ZNF513: variants seen among roughly 807,000 people sequenced by gnomAD.
The protein encoded by ZNF513 is zinc finger protein 513.
ZNF513 carries 16 observed loss-of-function variants against 39.7 expected under a neutral mutation model. The ratio of observed to expected loss-of-function variants is 0.40; its 90% confidence interval spans 0.27 to 0.61. ZNF513 has a LOEUF of 0.61. Among genes scored for constraint, ZNF513 ranks in the 20% least tolerant of loss-of-function variants. ZNF513 has a pLI of 0.39. For synonymous variants in ZNF513, 348 were observed against 296.5 expected (o/e 1.17, Z -1.79); for missense variants, 699 against 743.6 (o/e 0.94, Z 0.70).
chr2:27,380,217 G>C lies in ZNF513; in HGVS notation c.87C>G (p.Pro29=), dbSNP rs774775281. ...AATCACTCTCCAATACCAGGGCCCC[G>C]GGTCCTTCGTCGAGGGAGTCTTCAG... ...VDTEDSLDEG[P]GALVLESDLL... The change falls in exon 2 of 4, where the codon CCC becomes CCG. Residue 29 remains proline (P), a synonymous_variant. Transcript: ENST00000323703. 6.2e-7 allele frequency: 1 copy of C among 1,613,942 alleles called. No homozygotes were observed. The highest frequency in any genetic ancestry group is 1.1e-5 in the South Asian group (1 of 91,062).
intron 2 of ZNF513, among the ~76,000 whole-genome samples, chr2:27,379,648 G>A (rs1683531956): frequency 6.6e-6 from 1 of 152,192 alleles, no homozygotes; most frequent in Non-Finnish European, 1.5e-5. Context: ...AGATCACAGG[G>A]AAGAGGGACA....
intron 1 of ZNF513, 53 bp from the exon 2 acceptor site, chr2:27,380,301 A>G (rs1177359410): frequency 2.5e-6 from 4 of 1,612,808 alleles, no homozygotes; most frequent in Non-Finnish European, 3.4e-6. Context: ...GCCCTCGTGG[A>G]CCACACTTCC....
In ZNF513 at chr2:27,379,024, G is replaced by A. The variant is rs1055973876; in HGVS notation, c.242C>T (p.Pro81Leu). ...AGACTCATCGTCGCTCAGCCCATAGGGAAGCCCAGGCCTGGCCCCCAGAGA... is the reference window on the plus strand; with the variant it reads ...AGACTCATCGTCGCTCAGCCCATAGAGAAGCCCAGGCCTGGCCCCCAGAGA... ...GDSLGARPGL[P>L]YGLSDDESGG... is the part of the protein sequence containing the mutation. The change falls in exon 3 of 4, where the codon CCC becomes CTC. Residue 81 changes from proline to leucine, a missense_variant. Pro to Leu is a moderately conservative substitution (Grantham distance 98). This residue lies in a region of ZNF513 where 530 missense variants were observed against 499.3 expected (regional missense o/e 1.06). Coordinates refer to ENST00000323703, the MANE Select transcript of ZNF513 (RefSeq NM_144631.6). 1 of 1,613,032 alleles carries A rather than the reference G, an allele frequency of 6.2e-7. No individual in the cohort carries two copies. Among genetic ancestry groups the A allele is most frequent in the Non-Finnish European group, 8.5e-7 (1 of 1,179,992 alleles).
chr2:27,380,603 T>C lies in ZNF513; in HGVS notation c.-77A>G, dbSNP rs1017232448. 15 of 1,534,998 alleles carry C rather than the reference T, an allele frequency of 9.8e-6. No homozygotes were observed. The African/African-American group carries it at 1.8e-4, about 18-fold the overall frequency. On this transcript the variant is annotated 5_prime_UTR_variant, in exon 1 of 4. Transcript: ENST00000323703. ...CCCCTCCTATCTCGGCCCGCCTGTCTGCCCTTCCTCTCAGGGCCCGCGGGC... is the reference window on the plus strand; with the variant it reads ...CCCCTCCTATCTCGGCCCGCCTGTCCGCCCTTCCTCTCAGGGCCCGCGGGC...
In ZNF513 at chr2:27,378,366, G is replaced by C. The variant is rs778765409; in HGVS notation, c.805C>G (p.Leu269Val). Residue 269 changes from leucine to valine, a missense_variant, in exon 4 of 4, where the codon CTG (leucine) becomes GTG (valine). Physicochemically the swap from Leu to Val is conservative, Grantham distance 32 (BLOSUM62 1). Around this residue, in one of 3 missense-constraint regions of ZNF513, gnomAD observed 530 missense variants for 499.3 expected, o/e 1.06. Coordinates refer to ENST00000323703, the MANE Select transcript of ZNF513 (RefSeq NM_144631.6). This position sits in a 1 kb window ranked among gnomAD's most constrained non-coding sequence, Gnocchi z 8.0. The stretch of plus-strand genomic sequence containing the variant: ...TGGAGGCTCAAATCTGGAAGGAGCA[G>C]AGCATCTGTGGGGACAAAGACCTGG... ...GAVPRRPEDA[L>V]LLPDLSLHVP... 3.1e-6 allele frequency: 5 copies of C among 1,604,062 alleles called. No individual in the cohort carries two copies. Among genetic ancestry groups the C allele is most frequent in the Non-Finnish European group, 4.2e-6 (5 of 1,179,980 alleles).
In ZNF513 at chr2:27,380,718, C is replaced by T. The variant is rs903604071; in HGVS notation, c.-192G>A. ...CCGCTCCCGCCGCCGCCGCCGCTTC[C>T]ATTCATGGAGCCCCCTACCCCCCTA... On this transcript the variant is annotated 5_prime_UTR_variant, in exon 1 of 4. The change abolishes an upstream ATG in the 5' untranslated region. Coordinates refer to ENST00000323703, the MANE Select transcript of ZNF513 (RefSeq NM_144631.6). The T allele has an allele frequency of 4.0e-6, 4 of 1,009,172 alleles. No homozygotes were observed. Among genetic ancestry groups the T allele is most frequent in the Non-Finnish European group, 5.1e-6 (4 of 785,058 alleles). 62.5% of individuals were successfully genotyped at this position (1,009,172 alleles called of 1,614,324 possible). A position where few individuals can be genotyped will look rare whatever the true frequency, so the allele number is the denominator to read the frequency against.
In ZNF513 at chr2:27,377,621, G is replaced by C; in HGVS notation, c.1550C>G (p.Pro517Arg). 6.2e-7 allele frequency: 1 copy of C among 1,614,142 alleles called. No homozygotes were observed. Among genetic ancestry groups the C allele is most frequent in the Non-Finnish European group, 8.5e-7 (1 of 1,180,042 alleles). Residue 517 changes from proline to arginine, a missense_variant, in exon 4 of 4, where the codon CCC becomes CGC. Coordinates refer to ENST00000323703, the MANE Select transcript of ZNF513 (RefSeq NM_144631.6). The surrounding 1 kb of genome is among the most constrained non-coding windows in gnomAD (Gnocchi z 4.4). ...TGGGCCCCGAGAGCTCAAAACAGAG[G>C]GTGGGCTATGAGGTGGGGCCCAGCC... Reference protein sequence around the residue: ...SEGWAPPHSPPSVLSSRGPPA... With the variant: ...SEGWAPPHSPRSVLSSRGPPA...
chr2:27,378,430 C>G lies in ZNF513; in HGVS notation c.799+37G>C. The G allele has an allele frequency of 6.2e-7, 1 of 1,613,428 alleles. No individual in the cohort carries two copies. The highest frequency in any genetic ancestry group is 8.5e-7 in the Non-Finnish European group (1 of 1,179,986). ...TCCAAGCATTCCTAGGGTCAGCCAC[C>G]CATGTCCCAAGATCTTTGGTCCCTG... On this transcript the variant is annotated intron_variant, in intron 3 of 3. Coordinates refer to ENST00000323703, the MANE Select transcript of ZNF513 (RefSeq NM_144631.6). This position sits in a 1 kb window ranked among gnomAD's most constrained non-coding sequence, Gnocchi z 8.0.
Position 27,378,499 on chromosome 2 carries a change from T to C in ZNF513, c.767A>G (p.Glu256Gly), listed in dbSNP as rs1277689809. ...PRPARPPSPT[E>G]QEGAVPRRPE... ...TCGCCGGGGCACCGCCCCCTCCTGCTCTGTGGGACTGGGAGGCCGGGCTGG... is the reference window on the plus strand; with the variant it reads ...TCGCCGGGGCACCGCCCCCTCCTGCCCTGTGGGACTGGGAGGCCGGGCTGG... The change falls in exon 3 of 4, where the codon GAG becomes GGG. Residue 256 changes from glutamate to glycine, a missense_variant. This residue lies in a region of ZNF513 where 530 missense variants were observed against 499.3 expected (regional missense o/e 1.06). Coordinates refer to ENST00000323703, the MANE Select transcript of ZNF513 (RefSeq NM_144631.6). This position sits in a 1 kb window ranked among gnomAD's most constrained non-coding sequence, Gnocchi z 8.0. 1 of 1,614,126 alleles carries C rather than the reference T, an allele frequency of 6.2e-7. No homozygotes were observed. Among genetic ancestry groups the C allele is most frequent in the African/African-American group, 1.3e-5 (1 of 75,056 alleles).
Position 27,378,615 on chromosome 2 carries a change from G to C in ZNF513, c.651C>G (p.Ser217Arg). 1.2e-6 allele frequency: 2 copies of C among 1,613,830 alleles called. No homozygotes were observed. Among genetic ancestry groups the C allele is most frequent in the Non-Finnish European group, 1.7e-6 (2 of 1,179,972 alleles). Residue 217 changes from serine to arginine, a missense_variant, in exon 3 of 4, where the codon AGC (serine) becomes AGG (arginine). Coordinates refer to ENST00000323703, the MANE Select transcript of ZNF513 (RefSeq NM_144631.6). The surrounding 1 kb of genome is among the most constrained non-coding windows in gnomAD (Gnocchi z 8.0). ...GCTGATGCCGCCTCAGGTTGCCCAG[G>C]CTGCTGCAGGCAAAGGGGCAGTGGG... ...RCPHCPFACS[S>R]LGNLRRHQRT... is the part of the protein sequence containing the mutation.
In ZNF513 at chr2:27,378,351, A is replaced by C. The variant is rs766508895; in HGVS notation, c.820T>G (p.Leu274Val). 1.9e-6 allele frequency: 3 copies of C among 1,602,616 alleles called. No homozygotes were observed. The highest frequency in any genetic ancestry group is 2.5e-6 in the Non-Finnish European group (3 of 1,179,974). ...CCACCTGGTGGCACATGGAGGCTCA[A>C]ATCTGGAAGGAGCAGAGCATCTGTG... is the stretch of plus-strand genomic sequence containing the variant. ...RPEDALLLPD[L>V]SLHVPPGGAS... is the part of the protein sequence containing the mutation. Residue 274 changes from leucine (L) to valine (V), a missense_variant, in exon 4 of 4, where the codon TTG becomes GTG. Leu to Val is a conservative substitution (Grantham distance 32). This residue lies in a region of ZNF513 where 530 missense variants were observed against 499.3 expected (regional missense o/e 1.06). Transcript: ENST00000323703. This position sits in a 1 kb window ranked among gnomAD's most constrained non-coding sequence, Gnocchi z 8.0.
rs1383490722 is a variant in ZNF513, at chr2:27,378,371, T to C, written c.800A>G (p.Asp267Gly). The change falls in exon 4 of 4, where the codon GAT becomes GGT. Residue 267 changes from aspartate to glycine, a missense_variant and splice_region_variant. Asp to Gly is a moderately conservative substitution (Grantham distance 94, BLOSUM62 -1). Transcript: ENST00000323703. The surrounding 1 kb of genome is among the most constrained non-coding windows in gnomAD (Gnocchi z 8.0). The stretch of plus-strand genomic sequence containing the variant: ...GCTCAAATCTGGAAGGAGCAGAGCA[T>C]CTGTGGGGACAAAGACCTGGGCTAT... ...QEGAVPRRPE[D>G]ALLLPDLSLH... 4 of 1,604,880 alleles carry C rather than the reference T, an allele frequency of 2.5e-6. No homozygotes were observed. Among genetic ancestry groups the C allele is most frequent in the East Asian group, 4.5e-5 (2 of 44,882 alleles).
Position 27,378,258 on chromosome 2 carries a change from C to A in ZNF513, c.913G>T (p.Glu305Ter). 6.2e-7 allele frequency: 1 copy of A among 1,601,902 alleles called. No homozygotes were observed. Residue 305 changes from glutamate to a stop codon, truncating the protein, a stop_gained, in exon 4 of 4, where the codon GAA (glutamate) becomes TAA (stop). Coordinates refer to ENST00000323703, the MANE Select transcript of ZNF513 (RefSeq NM_144631.6). LOFTEE classifies it high-confidence loss of function. This position sits in a 1 kb window ranked among gnomAD's most constrained non-coding sequence, Gnocchi z 8.0. The part of the protein sequence containing the change: ...EGEGLCGTGS[E>*]PLPELLFPWT... Reference sequence around the variant, plus strand: ...GGGAATAGCAGCTCTGGCAGTGGTTCTGATCCAGTCCCGCAGAGGCCCTCC... The same window carrying A: ...GGGAATAGCAGCTCTGGCAGTGGTTATGATCCAGTCCCGCAGAGGCCCTCC...
rs764559317 is a variant in ZNF513, at chr2:27,379,010, C to A, written c.256G>T (p.Asp86Tyr). 1 of 1,613,018 alleles carries A rather than the reference C, an allele frequency of 6.2e-7. No individual in the cohort carries two copies. The highest frequency in any genetic ancestry group is 1.7e-5 in the Admixed American group (1 of 59,992). Residue 86 changes from aspartate to tyrosine, a missense_variant, in exon 3 of 4, where the codon GAC becomes TAC. Coordinates refer to ENST00000323703, the MANE Select transcript of ZNF513 (RefSeq NM_144631.6). Reference protein sequence around the residue: ...ARPGLPYGLSDDESGGGRALS... With the variant: ...ARPGLPYGLSYDESGGGRALS... ...GCCCGGCCGCCCCCAGACTCATCGT[C>A]GCTCAGCCCATAGGGAAGCCCAGGC...
Position 27,380,729 on chromosome 2 carries a change from C to A in ZNF513, c.-203G>T, listed in dbSNP as rs900165819. On this transcript the variant is annotated 5_prime_UTR_variant, in exon 1 of 4. Transcript: ENST00000323703. ...GCCGCCGCCGCTTCCATTCATGGAG[C>A]CCCCTACCCCCCTACGGAGACCAGC... The A allele has an allele frequency of 3.4e-6, 3 of 874,418 alleles. No homozygotes were observed. Among genetic ancestry groups the A allele is most frequent in the Non-Finnish European group, 4.5e-6 (3 of 662,152 alleles). 54.2% of individuals were successfully genotyped at this position (874,418 alleles called of 1,614,324 possible). A position where few individuals can be genotyped will look rare whatever the true frequency, so the allele number is the denominator to read the frequency against.
intron 2 of ZNF513, among the ~76,000 whole-genome samples, chr2:27,379,626 A>G (rs1683530502): frequency 6.6e-6 from 1 of 152,216 alleles, no homozygotes; most frequent in Non-Finnish European, 1.5e-5. Context: ...AAATTAGGGT[A>G]GGGTGATGCT....
At position 27,377,468 on chromosome 2, in the gene ZNF513, T is replaced by C; in HGVS notation, c.*77A>G. ...CTTATAGTGCCTACGTTAGTCTGTG[T>C]GGAGCCCCTGGCCAGCGGGGGAGAA... On this transcript the variant is annotated 3_prime_UTR_variant, in exon 4 of 4. Transcript: ENST00000323703. This position sits in a 1 kb window ranked among gnomAD's most constrained non-coding sequence, Gnocchi z 4.4. 6.6e-7 allele frequency: 1 copy of C among 1,510,886 alleles called. No individual in the cohort carries two copies. Among genetic ancestry groups the C allele is most frequent in the Middle Eastern group, 1.7e-4 (1 of 5,884 alleles). 93.6% of individuals were successfully genotyped at this position (1,510,886 alleles called of 1,614,324 possible).
At position 27,377,549 on chromosome 2, in the gene ZNF513, G is replaced by T. The variant is rs1165568940; in HGVS notation, c.1622C>A (p.Ser541Tyr). Reference sequence around the variant, plus strand: ...CATGGGGAAGAAGGACCTAGTTCAGGATGAGTCTGTGTGGACAGCCCGGCT... The same window carrying T: ...CATGGGGAAGAAGGACCTAGTTCAGTATGAGTCTGTGTGGACAGCCCGGCT... Reference protein sequence around the residue: ...AGSRAVHTDSS With the variant: ...AGSRAVHTDSY Residue 541 changes from serine to tyrosine, a missense_variant, in exon 4 of 4, where the codon TCC becomes TAC. Physicochemically the swap from Ser to Tyr is moderately radical, Grantham distance 144. Coordinates refer to ENST00000323703, the MANE Select transcript of ZNF513 (RefSeq NM_144631.6). The surrounding 1 kb of genome is among the most constrained non-coding windows in gnomAD (Gnocchi z 4.4). 2 of 1,613,896 alleles carry T rather than the reference G, an allele frequency of 1.2e-6. No homozygotes were observed. Among genetic ancestry groups the T allele is most frequent in the African/African-American group, 2.7e-5 (2 of 74,926 alleles).
chr2:27,378,807 G>A lies in ZNF513; in HGVS notation c.459C>T (p.Arg153=), dbSNP rs760724084. The change falls in exon 3 of 4, where the codon CGC becomes CGT. Residue 153 remains arginine (R), a synonymous_variant. Coordinates refer to ENST00000323703, the MANE Select transcript of ZNF513 (RefSeq NM_144631.6). The surrounding 1 kb of genome is among the most constrained non-coding windows in gnomAD (Gnocchi z 8.0). ...AGTAGTGGGACACGAAGGTGCAGAG[G>A]CGGCATGAGTACAGTAGCCGTGGGG... The part of the protein sequence containing the change: ...LLPPRLLYSC[R]LCTFVSHYSS... 22 of 1,613,668 alleles carry A rather than the reference G, an allele frequency of 1.4e-5. No homozygotes were observed. Among genetic ancestry groups the A allele is most frequent in the Non-Finnish European group, 1.6e-5 (19 of 1,179,828 alleles).
Sources: gnomAD v4.1 joint callset for allele counts (sites outside exome capture counted in the v4.1 genomes callset) on GRCh38, gnomAD v4.1.1 for gene constraint, gnomAD v4.1.1 regional missense constraint, Gnocchi (gnomAD v3.1) non-coding constraint, MANE v1.5 for transcripts, NCBI Gene and HGNC (gene_info 2026-07-23, HGNC 2026-07-21) for gene names.